Variants in GABRG3 observed in about 807,000 individuals in gnomAD.
GABRG3 encodes gamma-aminobutyric acid type A receptor subunit gamma3.
Under a neutral mutation model 48.8 loss-of-function variants are expected in GABRG3, and 25 were observed. The observed-to-expected ratio is 0.51, with a 90% CI of 0.37 to 0.72. The LOEUF (loss-of-function observed/expected upper bound fraction) is 0.72, where lower values mean the gene tolerates loss of function less well. Ranked by LOEUF, GABRG3 falls within the 30% of genes least tolerant of loss-of-function variation. The pLI is 0.00. For synonymous variants in GABRG3, 227 were observed against 217.6 expected (o/e 1.04, Z -0.38); for missense variants, 394 against 577.9 (o/e 0.68, Z 3.26).
chr15:27,414,565 G>T (rs1887888899), intron 5 of GABRG3, among the ~76,000 whole-genome samples: 1 of 152,156 alleles, frequency 6.6e-6, no homozygotes, highest in African/African-American at 2.4e-5. Flanking sequence ...GGAAATCCAG[G>T]GACTAGGGAG....
chr15:26,980,197 A>G (rs547823609), intron 2 of GABRG3, among the ~76,000 whole-genome samples: 13 of 152,130 alleles, frequency 8.5e-5, no homozygotes, highest in Non-Finnish European at 1.5e-4. Flanking sequence ...AACTTGTGTC[A>G]TCTTCCTTTT....
intron 3 of GABRG3, among the ~76,000 whole-genome samples, chr15:27,196,658 T>C (rs904457313): frequency 1.3e-5 from 2 of 152,254 alleles, no homozygotes; most frequent in Non-Finnish European, 2.9e-5. Flanking sequence ...AGGCACTGTG[T>C]TATGTCCTAA....
intron 3 of GABRG3, among the ~76,000 whole-genome samples, chr15:27,039,027 A>G (rs1410448008): frequency 6.6e-6 from 1 of 152,094 alleles, no homozygotes; most frequent in African/African-American, 2.4e-5. Flanking sequence ...GACTCCAGTG[A>G]AGAGCTGGGT....
At chr15:27,184,347 T>C (rs1241754236) in intron 3 of GABRG3, among the ~76,000 whole-genome samples, 1 of 152,128 alleles carries the variant, frequency 6.6e-6, no homozygotes, top group Non-Finnish European at 1.5e-5. Context: ...TTTGTGAACA[T>C]TTACATCCTG....
intron 5 of GABRG3, among the ~76,000 whole-genome samples, chr15:27,339,329 G>A (rs747465402): frequency 2.6e-5 from 4 of 152,330 alleles, no homozygotes; most frequent in African/African-American, 7.2e-5. Context: ...GGAGCTCTGC[G>A]GCATGTCCAG....
chr15:27,303,054 T>C (rs1203919830), intron 3 of GABRG3, among the ~76,000 whole-genome samples: 3 of 151,766 alleles, frequency 2.0e-5, no homozygotes, highest in African/African-American at 7.2e-5. Context: ...TAACCTAAGC[T>C]TCCACCTTTA....
At chr15:27,008,413 C>T (rs893540011) in intron 2 of GABRG3, among the ~76,000 whole-genome samples, 3 of 152,128 alleles carry the variant, frequency 2.0e-5, no homozygotes, top group Admixed American at 1.3e-4. Context: ...TGCACATGCC[C>T]TTAATTTTCA....
chr15:27,426,334 A>G (rs1450567934), intron 5 of GABRG3, among the ~76,000 whole-genome samples: 1 of 152,222 alleles, frequency 6.6e-6, no homozygotes, highest in Non-Finnish European at 1.5e-5. Flanking sequence ...ACAAAAGGGC[A>G]TGAAGGAAAA....
chr15:27,456,472 G>C (rs1289893221), intron 5 of GABRG3, among the ~76,000 whole-genome samples: 2 of 152,050 alleles, frequency 1.3e-5, no homozygotes, highest in Non-Finnish European at 2.9e-5. Flanking sequence ...AAGGCACTGG[G>C]CCCCCCCGGG....
Position 27,534,937 on chromosome 15 carries a change from T to C in GABRG3, c.*2056T>C, listed in dbSNP as rs1204353370. On this transcript the variant is annotated 3_prime_UTR_variant, in exon 10 of 10. Coordinates refer to ENST00000615808, the MANE Select transcript of GABRG3 (RefSeq NM_033223.5). ...ATTGGCTTCAGTTTAGCAAATTCAGTTTTAAAAATAAAAGAGTATTTGTGG... is the reference window on the plus strand; with the variant it reads ...ATTGGCTTCAGTTTAGCAAATTCAGCTTTAAAAATAAAAGAGTATTTGTGG... 6.6e-6 allele frequency: 1 copy of C among 152,178 alleles called. No individual in the cohort carries two copies. The highest frequency in any genetic ancestry group is 1.5e-5 in the Non-Finnish European group (1 of 68,036). 9.4% of individuals were successfully genotyped at this position (152,178 alleles called of 1,614,324 possible).
intron 5 of GABRG3, among the ~76,000 whole-genome samples, chr15:27,471,050 CCA>C (rs1268549986): frequency 6.6e-6 from 1 of 152,106 alleles, no homozygotes; most frequent in African/African-American, 2.4e-5. Context: ...TAATTTTAAT[CCA>C]CACAGAGCCA....
At chr15:26,998,554 T>A (rs1444910568) in intron 2 of GABRG3, among the ~76,000 whole-genome samples, 1 of 152,164 alleles carries the variant, frequency 6.6e-6, no homozygotes, top group Non-Finnish European at 1.5e-5. Context: ...GCACCTGGAA[T>A]AAACTCCCCC....
At chr15:27,325,743 T>C (rs1254427568) in intron 3 of GABRG3, among the ~76,000 whole-genome samples, 2 of 152,160 alleles carry the variant, frequency 1.3e-5, no homozygotes, top group Non-Finnish European at 2.9e-5. Flanking sequence ...AAAGAAATGA[T>C]GAATGAATGC....
In GABRG3 at chr15:27,262,122, C is replaced by T. The variant is rs746454043; in HGVS notation, c.271-64687C>T. ...TGATAAACATCCTGCATCTGGGCAT[C>T]CTTGCTAAGGCGATGGCAGGAGACC... On this transcript the variant is annotated intron_variant, in intron 3 of 9. Coordinates refer to ENST00000615808, the MANE Select transcript of GABRG3 (RefSeq NM_033223.5). Among the ~76,000 whole-genome samples, 119 of 152,178 alleles carry T rather than the reference C, an allele frequency of 7.8e-4. 1 individual carries two copies. The highest frequency in any genetic ancestry group is 1.4e-3 in the Non-Finnish European group (93 of 68,018).
At chr15:27,518,149 G>A (rs900714161) in intron 6 of GABRG3, among the ~76,000 whole-genome samples, 37 of 133,674 alleles carry the variant, frequency 2.8e-4, no homozygotes, top group Non-Finnish European at 4.3e-4. Flanking sequence ...TCAGGAGTTC[G>A]AGACCAGCAT....
At chr15:27,006,801 C>T (rs1331301164) in intron 2 of GABRG3, among the ~76,000 whole-genome samples, 2 of 151,984 alleles carry the variant, frequency 1.3e-5, no homozygotes, top group Non-Finnish European at 2.9e-5. Flanking sequence ...ATAATGGTCT[C>T]CAACTCTATG....
At position 27,349,551 on chromosome 15, in the gene GABRG3, C is replaced by G. The variant is rs183896256; in HGVS notation, c.574+20663C>G. Among the ~76,000 whole-genome samples the G allele has an allele frequency of 3.8e-3, 586 of 152,320 alleles. 4 individuals carry two copies. Among genetic ancestry groups the G allele is most frequent in the Non-Finnish European group, 6.8e-3 (466 of 68,034 alleles). On this transcript the variant is annotated intron_variant, in intron 5 of 9. Coordinates refer to ENST00000615808, the MANE Select transcript of GABRG3 (RefSeq NM_033223.5). ...GGTTGGTGTCCTTGGCTTCCACTCT[C>G]AATGGGACACTGCAGAAGCTGCTGG...
chr15:27,251,612 A>C (rs963524887), intron 3 of GABRG3, among the ~76,000 whole-genome samples: 2 of 152,196 alleles, frequency 1.3e-5, no homozygotes, highest in Non-Finnish European at 2.9e-5. Flanking sequence ...TCAAATATTA[A>C]ATATTATGTA....
intron 7 of GABRG3, 150 bp from the exon 8 acceptor site, chr15:27,527,283 C>A: frequency 1.7e-6 from 1 of 592,148 alleles, no homozygotes; most frequent in Non-Finnish European, 2.9e-6. Context: ...ATTGTATGGA[C>A]ATTAAAATTC....
Sources: gnomAD v4.1 joint callset for allele counts (sites outside exome capture counted in the v4.1 genomes callset) on GRCh38, gnomAD v4.1.1 for gene constraint, MANE v1.5 for transcripts, NCBI Gene and HGNC (gene_info 2026-07-23, HGNC 2026-07-21) for gene names.